The following TNFSF4 variants were observed in gnomAD, a reference collection of about 807,000 sequenced individuals.
TNFSF4 encodes tumor necrosis factor ligand superfamily member 4.
In TNFSF4, 4 loss-of-function variants were observed where a neutral mutation model predicts 7.3. That is an observed-to-expected ratio of 0.55 (90% CI 0.27 to 1.25). TNFSF4 has a LOEUF of 1.25. Ranked by LOEUF, TNFSF4 falls within the 50% of genes most tolerant of loss-of-function variation. TNFSF4 has a pLI of 0.12. For missense variants in TNFSF4, 181 were observed against 208.8 expected, an observed-to-expected ratio of 0.87 and a Z score of 0.82; for synonymous variants, 76 against 83.7, an observed-to-expected ratio of 0.91 and a Z score of 0.50.
chr1:173,292,349 G>T, the TNFSF4 span, among the ~76,000 whole-genome samples: 10 of 152,184 alleles, frequency 6.6e-5, no homozygotes, highest in South Asian at 2.1e-3. Context: ...CAATAAATGT[G>T]ACTCACCACA....
chr1:173,180,886 C>T (rs1649044339), downstream of TNFSF4, among the ~76,000 whole-genome samples: 1 of 152,114 alleles, frequency 6.6e-6, no homozygotes, highest in African/African-American at 2.4e-5. Flanking sequence ...AGATCAAGCT[C>T]AGCTAATTTT....
the TNFSF4 span, among the ~76,000 whole-genome samples, chr1:173,342,352 T>A: frequency 6.6e-6 from 1 of 152,298 alleles, no homozygotes; most frequent in East Asian, 1.9e-4. Flanking sequence ...GCCTGCCCAG[T>A]GGATGTTCCC....
At chr1:173,213,265 A>G in the TNFSF4 span, among the ~76,000 whole-genome samples, 1 of 151,936 alleles carries the variant, frequency 6.6e-6, no homozygotes, top group Non-Finnish European at 1.5e-5. Flanking sequence ...TCTGATGCCA[A>G]TTTTCCCTTT....
chr1:173,325,771 A>G, the TNFSF4 span, among the ~76,000 whole-genome samples: 6 of 152,232 alleles, frequency 3.9e-5, no homozygotes, highest in Non-Finnish European at 7.3e-5. Flanking sequence ...TCTAGAAGAA[A>G]TGGAAAAATT....
chr1:173,361,407 T>G, the TNFSF4 span, among the ~76,000 whole-genome samples: 1 of 152,252 alleles, frequency 6.6e-6, no homozygotes, highest in South Asian at 2.1e-4. Context: ...AAGACCAGCC[T>G]GGCCAACATG....
chr1:173,435,498 C>G, the TNFSF4 span, among the ~76,000 whole-genome samples: 1 of 152,200 alleles, frequency 6.6e-6, no homozygotes, highest in Non-Finnish European at 1.5e-5. Flanking sequence ...TACTCTCTCT[C>G]CCTGCCGCAT....
chr1:173,194,595 A>G (rs1013305133), intron 1 of TNFSF4, among the ~76,000 whole-genome samples: 19 of 152,154 alleles, frequency 1.2e-4, no homozygotes, highest in Non-Finnish European at 2.1e-4. Flanking sequence ...TGCATTCAAG[A>G]AAAAGGGCCT....
chr1:173,204,770 T>C (rs540766108), intron 1 of TNFSF4, among the ~76,000 whole-genome samples: 1 of 152,162 alleles, frequency 6.6e-6, no homozygotes, highest in African/African-American at 2.4e-5. Context: ...GATCCCTCAA[T>C]CAAACTTCCA....
At chr1:173,295,866 A>G in the TNFSF4 span, among the ~76,000 whole-genome samples, 1 of 151,990 alleles carries the variant, frequency 6.6e-6, no homozygotes, top group African/African-American at 2.4e-5. Flanking sequence ...TCCTGCTTCA[A>G]TTTTAGCAGA....
the TNFSF4 span, among the ~76,000 whole-genome samples, chr1:173,438,453 G>C: frequency 6.6e-6 from 1 of 151,996 alleles, no homozygotes; most frequent in Non-Finnish European, 1.5e-5. Context: ...TAGATTTAAA[G>C]TGTACTTCTT....
the TNFSF4 span, among the ~76,000 whole-genome samples, chr1:173,356,496 A>G: frequency 2.0e-5 from 3 of 152,218 alleles, no homozygotes; most frequent in African/African-American, 2.4e-5. Flanking sequence ...ACGTATCACA[A>G]GACAGTGTGA....
At chr1:173,326,362 T>A in the TNFSF4 span, among the ~76,000 whole-genome samples, 4 of 152,210 alleles carry the variant, frequency 2.6e-5, no homozygotes, top group Admixed American at 6.5e-5. Flanking sequence ...TGATGGGATG[T>A]ATCTCAAAAT....
the TNFSF4 span, among the ~76,000 whole-genome samples, chr1:173,446,985 G>C: frequency 2.0e-5 from 3 of 152,022 alleles, no homozygotes; most frequent in African/African-American, 7.3e-5. Flanking sequence ...TATCCTATTA[G>C]TTCTGTCCCT....
At chr1:173,265,471 T>C in the TNFSF4 span, among the ~76,000 whole-genome samples, 1 of 152,192 alleles carries the variant, frequency 6.6e-6, no homozygotes, top group African/African-American at 2.4e-5. Context: ...CAGATTAATT[T>C]CTGATGGGCT....
At chr1:173,375,420 G>A in the TNFSF4 span, among the ~76,000 whole-genome samples, 1 of 152,192 alleles carries the variant, frequency 6.6e-6, no homozygotes, top group African/African-American at 2.4e-5. Context: ...TTAGAGAGGG[G>A]ATTGAGAGGT....
At chr1:173,389,640 AC>A in the TNFSF4 span, among the ~76,000 whole-genome samples, 1 of 152,082 alleles carries the variant, frequency 6.6e-6, no homozygotes, top group South Asian at 2.1e-4. Context: ...GTCCAATATA[AC>A]CCAAAAAGAT....
At chr1:173,308,847 C>T in the TNFSF4 span, among the ~76,000 whole-genome samples, 3 of 151,844 alleles carry the variant, frequency 2.0e-5, no homozygotes, top group Non-Finnish European at 2.9e-5. Context: ...ATATGGCGTC[C>T]TCATAAGACC....
At chr1:173,342,992 A>G in the TNFSF4 span, among the ~76,000 whole-genome samples, 2 of 152,192 alleles carry the variant, frequency 1.3e-5, no homozygotes, top group Non-Finnish European at 2.9e-5. Context: ...AGGTGACACA[A>G]TGCTCTGTGG....
chr1:173,194,744 A>T (rs983308646), intron 1 of TNFSF4, among the ~76,000 whole-genome samples: 2 of 151,922 alleles, frequency 1.3e-5, no homozygotes, highest in African/African-American at 2.4e-5. Context: ...ATAATAAAAA[A>T]AATAGCTGGA....
Sources: gnomAD v4.1 joint callset for allele counts (sites outside exome capture counted in the v4.1 genomes callset) on GRCh38, gnomAD v4.1.1 for gene constraint, MANE v1.5 for transcripts, NCBI Gene and HGNC (gene_info 2026-07-23, HGNC 2026-07-21) for gene names.